TEX9: variants seen among roughly 807,000 people sequenced by gnomAD.
TEX9 encodes testis-expressed protein 9.
Under a neutral mutation model 59.6 loss-of-function variants are expected in TEX9, and 74 were observed. That is an observed-to-expected ratio of 1.24 (90% CI 1.03 to 1.51). TEX9 has a LOEUF of 1.51. Ranked by LOEUF, TEX9 falls within the 40% of genes most tolerant of loss-of-function variation. The pLI is 0.00. For synonymous variants in TEX9, 186 were observed against 152.2 expected, an observed-to-expected ratio of 1.22 and a Z score of -1.64; for missense variants, 522 against 447.8, an observed-to-expected ratio of 1.17 and a Z score of -1.49.
intron 1 of TEX9, among the ~76,000 whole-genome samples, chr15:56,332,614 T>TAC (rs1596097038): frequency 2.0e-5 from 2 of 102,538 alleles, no homozygotes; most frequent in Non-Finnish European, 4.3e-5. Context: ...AAACTTAAAA[T>TAC]ATAAAAAAAA....
At chr15:56,289,716 A>T (rs1241068308) in intron 1 of TEX9, among the ~76,000 whole-genome samples, 7 of 152,060 alleles carry the variant, frequency 4.6e-5, no homozygotes, top group African/African-American at 1.7e-4. Flanking sequence ...CTGGTGACTG[A>T]TGAGTGACCC....
intron 9 of TEX9, chr15:56,395,470 A>T (rs561658060): frequency 6.6e-6 from 1 of 151,904 alleles, no homozygotes; most frequent in African/African-American, 2.4e-5. Context: ...GTATGTTTCT[A>T]TTTCTCTTGG....
At chr15:56,323,093 T>G (rs957447297) in intron 1 of TEX9, 1 of 203,564 alleles carries the variant, frequency 4.9e-6, no homozygotes, top group Non-Finnish European at 1.1e-5. Flanking sequence ...CTCTGCCTCA[T>G]TGAGAAAAAA....
rs887549021 is a variant in TEX9, at chr15:56,419,507, C to T, written c.963+7071C>T. 4.6e-5 allele frequency among the ~76,000 whole-genome samples: 7 copies of T among 151,924 alleles called. No homozygotes were observed. The East Asian group carries it at 5.8e-4, about 13-fold the overall frequency. ...TTGAATTTTGTCAAATGCTTTTTCC[C>T]GTATCTATTGAAATTATATTTTTCT... is the stretch of plus-strand genomic sequence containing the variant. On this transcript the variant is annotated intron_variant, in intron 10 of 12. Coordinates refer to ENST00000352903, the Ensembl canonical transcript of TEX9.
At chr15:56,324,300 T>C (rs762107652) in intron 1 of TEX9, among the ~76,000 whole-genome samples, 2 of 152,212 alleles carry the variant, frequency 1.3e-5, no homozygotes, top group Non-Finnish European at 2.9e-5. Flanking sequence ...AAGTAGTCCT[T>C]CCTGGAAGCC....
the TEX9 span, chr15:56,456,539 C>G: frequency 6.2e-7 from 1 of 1,604,642 alleles, no homozygotes; most frequent in Non-Finnish European, 8.5e-7. Context: ...AAAAATTTAA[C>G]TTCGTTGTTT....
chr15:56,294,019 G>C (rs1276349239), intron 1 of TEX9, among the ~76,000 whole-genome samples: 1 of 152,178 alleles, frequency 6.6e-6, no homozygotes, highest in Non-Finnish European at 1.5e-5. Context: ...TCATAAGTGA[G>C]GGCAGTCTTG....
At chr15:56,290,192 G>C (rs966359876) in intron 1 of TEX9, among the ~76,000 whole-genome samples, 10 of 152,246 alleles carry the variant, frequency 6.6e-5, no homozygotes, top group African/African-American at 2.4e-4. Flanking sequence ...TTCAAAAGCA[G>C]CTGCTTCTTG....
At chr15:56,399,159 G>C (rs557702048) in intron 9 of TEX9, among the ~76,000 whole-genome samples, 1 of 152,168 alleles carries the variant, frequency 6.6e-6, no homozygotes, top group Admixed American at 6.5e-5. Flanking sequence ...GTGGGGTGTC[G>C]CCTTACCCGG....
the TEX9 span, among the ~76,000 whole-genome samples, chr15:56,454,178 AT>A: frequency 6.6e-6 from 1 of 152,220 alleles, no homozygotes; most frequent in East Asian, 1.9e-4. Context: ...TGAGTTGTAA[AT>A]TTTTTTGTAT....
At chr15:56,455,247 G>GAAAAA in the TEX9 span, among the ~76,000 whole-genome samples, 3 of 82,910 alleles carry the variant, frequency 3.6e-5, no homozygotes, top group East Asian at 3.6e-4. Context: ...ATCGTCAGGT[G>GAAAAA]AAAAAAAAAA....
chr15:56,446,963 C>T, downstream of TEX9: 1 of 1,551,224 alleles, frequency 6.4e-7, no homozygotes, highest in Non-Finnish European at 8.8e-7. Flanking sequence ...AAAACAAAAA[C>T]AAATTTAAAT....
At chr15:56,288,442 C>T (rs1415125539) in intron 1 of TEX9, among the ~76,000 whole-genome samples, 1 of 152,024 alleles carries the variant, frequency 6.6e-6, no homozygotes, top group Admixed American at 6.6e-5. Context: ...GATAAACTCC[C>T]TCAGATTTTG....
intron 12 of TEX9, among the ~76,000 whole-genome samples, chr15:56,434,785 G>A (rs1468493225): frequency 6.6e-6 from 1 of 152,068 alleles, no homozygotes; most frequent in East Asian, 1.9e-4. Flanking sequence ...CCACCCATAA[G>A]TATTTTTCAG....
intron 1 of TEX9, among the ~76,000 whole-genome samples, chr15:56,314,592 G>T (rs1182798993): frequency 1.3e-5 from 2 of 151,770 alleles, no homozygotes; most frequent in South Asian, 2.1e-4. Flanking sequence ...TTTTGGAATA[G>T]GTATGGTGTG....
rs111586643 is a variant in TEX9, at chr15:56,267,509, G to A, written c.-107+23231G>A. The stretch of plus-strand genomic sequence containing the variant: ...CATCTTGAATTAATTTTCGTATAAC[G>A]TGTAAGGAAGGGATCCAGTTTCAGC... On this transcript the variant is annotated intron_variant, in intron 1 of 5. Coordinates refer to the TEX9 transcript ENST00000560827. 2.5e-3 allele frequency among the ~76,000 whole-genome samples: 381 copies of A among 152,216 alleles called. 1 individual carries two copies. The highest frequency in any genetic ancestry group is 7.6e-3 in the African/African-American group (315 of 41,526).
chr15:56,278,611 A>C (rs1348787479), intron 1 of TEX9, among the ~76,000 whole-genome samples: 1 of 152,144 alleles, frequency 6.6e-6, no homozygotes, highest in Admixed American at 6.6e-5. Context: ...TTTTTGAAGC[A>C]GTTCTTCCTT....
chr15:56,249,267 CTT>C (rs774680473), intron 1 of TEX9: 1 of 152,120 alleles, frequency 6.6e-6, no homozygotes, highest in Non-Finnish European at 1.5e-5. Flanking sequence ...AGAGCTCTCT[CTT>C]AGGCAACTCC....
chr15:56,374,979 T>A (rs1408757802), intron 3 of TEX9, among the ~76,000 whole-genome samples: 1 of 152,206 alleles, frequency 6.6e-6, no homozygotes, highest in Admixed American at 6.5e-5. Context: ...TTCCAGATCT[T>A]GGCTATTGTG....
Sources: allele counts gnomAD v4.1 joint callset (sites outside exome capture counted in the v4.1 genomes callset), GRCh38; gene constraint gnomAD v4.1.1; transcripts MANE v1.5; gene names NCBI Gene and HGNC (gene_info 2026-07-23, HGNC 2026-07-21).